RPS6KC1: variants seen among roughly 807,000 people sequenced by gnomAD.
The protein encoded by RPS6KC1 is ribosomal protein S6 kinase C1.
RPS6KC1 carries 54 observed loss-of-function variants against 103.8 expected under a neutral mutation model. That is an observed-to-expected ratio of 0.52 (90% CI 0.42 to 0.65). The LOEUF is 0.65. Among genes scored for constraint, RPS6KC1 ranks in the 30% least tolerant of loss-of-function variants. The pLI is 0.00. For synonymous variants in RPS6KC1, 439 were observed against 438.7 expected, an observed-to-expected ratio of 1.00 and a Z score of -0.01; for missense variants, 1,151 against 1,253.8, an observed-to-expected ratio of 0.92 and a Z score of 1.24.
chr1:213,645,578 G>C, the RPS6KC1 span, among the ~76,000 whole-genome samples: 1 of 152,096 alleles, frequency 6.6e-6, no homozygotes, highest in Admixed American at 6.6e-5. Flanking sequence ...TACTTGTCCT[G>C]GGTAGGGTCT....
At chr1:213,752,802 A>G in the RPS6KC1 span, among the ~76,000 whole-genome samples, 2 of 152,094 alleles carry the variant, frequency 1.3e-5, no homozygotes, top group Non-Finnish European at 2.9e-5. Context: ...AGGGGAACAG[A>G]TCTGATCTTT....
At chr1:213,133,923 A>C (rs2085957689) in intron 6 of RPS6KC1, among the ~76,000 whole-genome samples, 1 of 152,058 alleles carries the variant, frequency 6.6e-6, no homozygotes, top group Non-Finnish European at 1.5e-5. Context: ...AATCCTCTCC[A>C]TTGTAGAATA....
At chr1:213,840,971 C>T in the RPS6KC1 span, 76 of 152,278 alleles carry the variant, frequency 5.0e-4, no homozygotes, top group African/African-American at 1.7e-3. Context: ...ATCCACAAGC[C>T]GATGAGCTCT....
At chr1:213,526,871 A>C in the RPS6KC1 span, among the ~76,000 whole-genome samples, 2 of 152,338 alleles carry the variant, frequency 1.3e-5, no homozygotes, top group African/African-American at 4.8e-5. Flanking sequence ...AATTGCATTT[A>C]TTTAAAACAA....
At chr1:213,689,930 G>A in the RPS6KC1 span, among the ~76,000 whole-genome samples, 24 of 152,312 alleles carry the variant, frequency 1.6e-4, no homozygotes, top group Non-Finnish European at 2.4e-4. Flanking sequence ...GTCTCATGGA[G>A]TGTGGTTGCT....
chr1:213,805,026 G>C, the RPS6KC1 span, among the ~76,000 whole-genome samples: 1 of 152,206 alleles, frequency 6.6e-6, no homozygotes, highest in Admixed American at 6.5e-5. Flanking sequence ...TGTAGTCTAC[G>C]AAGTGAGCAA....
intron 8 of RPS6KC1, among the ~76,000 whole-genome samples, chr1:213,212,822 A>G (rs570937825): frequency 1.1e-3 from 162 of 152,290 alleles, no homozygotes; most frequent in African/African-American, 3.9e-3. Flanking sequence ...CACTTTCCTG[A>G]TGACATGCAA....
chr1:213,667,482 T>C, the RPS6KC1 span, among the ~76,000 whole-genome samples: 1 of 152,238 alleles, frequency 6.6e-6, no homozygotes, highest in East Asian at 1.9e-4. Flanking sequence ...AATACTTTAT[T>C]GCTAAAAAAT....
intron 6 of RPS6KC1, among the ~76,000 whole-genome samples, chr1:213,148,049 A>C (rs992738796): frequency 1.3e-5 from 2 of 152,238 alleles, no homozygotes; most frequent in African/African-American, 2.4e-5. Flanking sequence ...TTGATTTTGC[A>C]TCCTGCAACT....
chr1:213,712,859 C>A, the RPS6KC1 span, among the ~76,000 whole-genome samples: 1 of 152,124 alleles, frequency 6.6e-6, no homozygotes, highest in African/African-American at 2.4e-5. Flanking sequence ...TCTAACCAGT[C>A]CCAATGAGGT....
At chr1:213,165,731 G>A (rs2148143803) in intron 6 of RPS6KC1, among the ~76,000 whole-genome samples, 1 of 152,138 alleles carries the variant, frequency 6.6e-6, no homozygotes, top group East Asian at 1.9e-4. Context: ...CCAGTTTTAT[G>A]TTTTTAGTAG....
the RPS6KC1 span, among the ~76,000 whole-genome samples, chr1:213,725,745 A>G: frequency 6.6e-6 from 1 of 152,216 alleles, no homozygotes; most frequent in African/African-American, 2.4e-5. Flanking sequence ...CATATTTCAC[A>G]TGATTTTAAT....
chr1:213,302,489 C>G, the RPS6KC1 span, among the ~76,000 whole-genome samples: 1 of 152,062 alleles, frequency 6.6e-6, no homozygotes, highest in Non-Finnish European at 1.5e-5. Context: ...TAGTGTGACT[C>G]TCTTTCTAAA....
the RPS6KC1 span, among the ~76,000 whole-genome samples, chr1:213,316,488 T>G: frequency 8.5e-5 from 13 of 152,218 alleles, no homozygotes; most frequent in Non-Finnish European, 1.6e-4. Flanking sequence ...TTCTGGTGAA[T>G]CTAATGATTT....
intron 8 of RPS6KC1, among the ~76,000 whole-genome samples, chr1:213,196,449 G>A (rs1284715100): frequency 6.6e-6 from 1 of 152,040 alleles, no homozygotes; most frequent in African/African-American, 2.4e-5. Flanking sequence ...TTACTCTCCT[G>A]ATTATTTCTT....
At chr1:213,545,187 G>A in the RPS6KC1 span, among the ~76,000 whole-genome samples, 11 of 151,902 alleles carry the variant, frequency 7.2e-5, no homozygotes, top group Non-Finnish European at 1.2e-4. Flanking sequence ...CCATCATGGC[G>A]AAAACCCAGC....
chr1:213,125,626 T>TTCTG (rs1011376296), intron 5 of RPS6KC1: 1 of 145,816 alleles, frequency 6.9e-6, no homozygotes, highest in African/African-American at 2.5e-5. Context: ...TTTTATCTGC[T>TTCTG]TGTGTGTGTG....
intron 3 of RPS6KC1, among the ~76,000 whole-genome samples, chr1:213,093,402 G>T (rs535103597): frequency 6.6e-6 from 1 of 151,768 alleles, no homozygotes; most frequent in Non-Finnish European, 1.5e-5. Context: ...TAGAGATGGG[G>T]TTTCACCATG....
chr1:213,636,888 A>G, the RPS6KC1 span, among the ~76,000 whole-genome samples: 1 of 152,232 alleles, frequency 6.6e-6, no homozygotes, highest in Non-Finnish European at 1.5e-5. Context: ...GCTAATATCC[A>G]GAATCTACAA....
Sources: gnomAD v4.1 joint callset for allele counts (sites outside exome capture counted in the v4.1 genomes callset) on GRCh38, gnomAD v4.1.1 for gene constraint, MANE v1.5 for transcripts, NCBI Gene and HGNC (gene_info 2026-07-23, HGNC 2026-07-21) for gene names.